Variants in MTFR1 observed in about 807,000 individuals in gnomAD.
MTFR1 encodes the protein chondrocyte protein with a poly-proline region.
A neutral mutation model predicts 38.8 loss-of-function variants in MTFR1; 28 were observed. That is an observed-to-expected ratio of 0.72 (90% confidence interval 0.53 to 0.99). The LOEUF is 0.99. Ranked by LOEUF, MTFR1 falls within the 50% of genes least tolerant of loss-of-function variation. The pLI, the probability that MTFR1 is intolerant of heterozygous loss-of-function variation, is 0.00. For synonymous variants in MTFR1, 145 were observed against 137.0 expected (o/e 1.06, Z -0.41); for missense variants, 358 against 395.5 (o/e 0.91, Z 0.81).
chr8:65,675,600 A>C (rs1041676578), intron 2 of MTFR1, among the ~76,000 whole-genome samples: 2 of 152,190 alleles, frequency 1.3e-5, no homozygotes, highest in Non-Finnish European at 2.9e-5. Context: ...CCGTCTCAAA[A>C]AAACAAACAA....
chr8:65,704,398 A>G (rs1404717425), intron 4 of MTFR1, among the ~76,000 whole-genome samples: 7 of 152,218 alleles, frequency 4.6e-5, no homozygotes, highest in African/African-American at 1.7e-4. Flanking sequence ...TCAAAAGAAA[A>G]CGTCAATTAG....
At chr8:65,756,575 TTC>T (rs1409427417) in intron 3 of MTFR1, among the ~76,000 whole-genome samples, 15 of 152,304 alleles carry the variant, frequency 9.8e-5, no homozygotes, top group African/African-American at 3.4e-4. Flanking sequence ...ATTCTAGAAT[TTC>T]TGTTTGGTTC....
chr8:65,742,907 G>C (rs751297112), intron 3 of MTFR1, among the ~76,000 whole-genome samples: 9 of 152,210 alleles, frequency 5.9e-5, no homozygotes, highest in Non-Finnish European at 8.8e-5. Flanking sequence ...CATTCAAAGA[G>C]TGAGGTGATC....
intron 4 of MTFR1, among the ~76,000 whole-genome samples, chr8:65,696,470 T>C (rs946655348): frequency 6.6e-6 from 1 of 152,196 alleles, no homozygotes; most frequent in African/African-American, 2.4e-5. Flanking sequence ...AGGGTATTGA[T>C]GTTGATAAGT....
chr8:65,657,496 A>C (rs72666522), intron 1 of MTFR1, among the ~76,000 whole-genome samples: 22,815 of 151,944 alleles, frequency 0.15, 1,783 homozygotes, highest in Middle Eastern at 0.19. Flanking sequence ...TGAGCTCAGG[A>C]GTTTGAGGCT....
chr8:65,775,977 G>A (rs1809249626), downstream of MTFR1, among the ~76,000 whole-genome samples: 1 of 152,144 alleles, frequency 6.6e-6, no homozygotes, highest in East Asian at 1.9e-4. Context: ...GTTTATACTT[G>A]CTATATCTAA....
chr8:65,753,907 T>G (rs34042475), intron 3 of MTFR1, among the ~76,000 whole-genome samples: 45,856 of 151,964 alleles, frequency 0.3, 9,170 homozygotes, highest in Non-Finnish European at 0.45. Flanking sequence ...AAACTTAAAG[T>G]GTATACTGTC....
intron 2 of MTFR1, among the ~76,000 whole-genome samples, chr8:65,678,839 C>T (rs892573055): frequency 4.6e-5 from 7 of 151,892 alleles, no homozygotes; most frequent in Admixed American, 1.3e-4. Context: ...GAGCCGAGAT[C>T]GCACCACTGC....
chr8:65,680,961 G>A (rs544261395), intron 2 of MTFR1, among the ~76,000 whole-genome samples: 5 of 142,578 alleles, frequency 3.5e-5, no homozygotes, highest in African/African-American at 7.8e-5. Context: ...GCCGGACTGC[G>A]GACTGCAGTG....
At chr8:65,767,546 A>G (rs1252708445) in intron 3 of MTFR1, among the ~76,000 whole-genome samples, 1 of 152,144 alleles carries the variant, frequency 6.6e-6, no homozygotes, top group Non-Finnish European at 1.5e-5. Flanking sequence ...ACCTGTTTCA[A>G]TCTTCCCTGG....
intron 2 of MTFR1, chr8:65,718,637 T>C (rs956731163): frequency 6.6e-6 from 1 of 152,492 alleles, no homozygotes; most frequent in Non-Finnish European, 1.5e-5. Context: ...CGATAAATGC[T>C]CAGTTTCCAG....
chr8:65,771,008 A>T (rs768532167), exon 4 of MTFR1: 2 of 362,378 alleles, frequency 5.5e-6, no homozygotes, highest in South Asian at 4.3e-5. Flanking sequence ...CCTACTGAAG[A>T]TAAATTTATA....
chr8:65,766,752 A>G (rs1179644267), intron 3 of MTFR1, among the ~76,000 whole-genome samples: 1 of 152,230 alleles, frequency 6.6e-6, no homozygotes, highest in Non-Finnish European at 1.5e-5. Context: ...TTTTCCCAGC[A>G]TCAGTCAGGA....
At chr8:65,698,040 G>C (rs1275415120) in intron 4 of MTFR1, among the ~76,000 whole-genome samples, 4 of 151,538 alleles carry the variant, frequency 2.6e-5, no homozygotes, top group Non-Finnish European at 4.4e-5. Flanking sequence ...TATTGATCGT[G>C]CTTTTGGTGT....
chr8:65,687,106 G>A (rs1805107871), intron 3 of MTFR1, among the ~76,000 whole-genome samples: 1 of 152,018 alleles, frequency 6.6e-6, no homozygotes, highest in South Asian at 2.1e-4. Context: ...ACTATTCTAA[G>A]TGTGTTACGT....
intron 3 of MTFR1, among the ~76,000 whole-genome samples, chr8:65,726,087 C>T (rs1806596488): frequency 1.3e-5 from 2 of 152,258 alleles, no homozygotes; most frequent in South Asian, 4.1e-4. Flanking sequence ...AACCAGAGAA[C>T]AGCAAGTGGA....
chr8:65,777,777 T>C, the MTFR1 span, among the ~76,000 whole-genome samples: 1 of 152,238 alleles, frequency 6.6e-6, no homozygotes, highest in African/African-American at 2.4e-5. Flanking sequence ...AATCTCATAA[T>C]TGCTCCTTTG....
rs77835422 is a variant in MTFR1, at chr8:65,664,596, A to G, written c.-80-5277A>G. 1.6e-4 allele frequency among the ~76,000 whole-genome samples: 24 copies of G among 150,914 alleles called. 1 individual carries two copies. In the East Asian group the frequency reaches 4.7e-3, roughly 29 times the overall value. ...TTATACCTCAATTTAAATAAAAATG[A>G]TAGGTTTTCCTTTGTTTTTTTTTTT... On this transcript the variant is annotated intron_variant, in intron 1 of 7. Transcript: ENST00000262146.
At position 65,747,723 on chromosome 8, in the gene MTFR1, G is replaced by A. The variant is rs773546045; in HGVS notation, c.*49-23224G>A. The A allele has an allele frequency of 9.3e-6, 15 of 1,610,390 alleles. No individual in the cohort carries two copies. The highest frequency in any genetic ancestry group is 6.7e-5 in the African/African-American group (5 of 74,984). ...GAAACCGCAGTACCACGAAAAAAGCGTGAAGATCTAAGATATCGCTGGAAA... is the reference window on the plus strand; with the variant it reads ...GAAACCGCAGTACCACGAAAAAAGCATGAAGATCTAAGATATCGCTGGAAA... On this transcript the variant is annotated intron_variant, in intron 3 of 3. Coordinates refer to the MTFR1 transcript ENST00000521247.
Sources: gnomAD v4.1 joint callset for allele counts (sites outside exome capture counted in the v4.1 genomes callset) on GRCh38, gnomAD v4.1.1 for gene constraint, MANE v1.5 for transcripts, NCBI Gene and HGNC (gene_info 2026-07-23, HGNC 2026-07-21) for gene names.